PDE3B: variants seen among roughly 807,000 people sequenced by gnomAD.
PDE3B encodes the protein phosphodiesterase 3B.
In PDE3B, 66 loss-of-function variants were observed where a neutral mutation model predicts 116.8. The ratio of observed to expected loss-of-function variants is 0.56; its 90% CI spans 0.46 to 0.69. The LOEUF (loss-of-function observed/expected upper bound fraction) is 0.69, where lower values mean the gene tolerates loss of function less well. Ranked by LOEUF, PDE3B falls within the 30% of genes least tolerant of loss-of-function variation. The probability of loss-of-function intolerance (pLI) is 0.00; values close to 1 mark genes in which losing one functional copy is unlikely to be tolerated. For missense variants in PDE3B, 1,384 were observed against 1,368.1 expected, an observed-to-expected ratio of 1.01 and a Z score of -0.18; for synonymous variants, 595 against 533.6, an observed-to-expected ratio of 1.12 and a Z score of -1.59.
At chr11:14,895,671 T>TGAAA in the PDE3B span, among the ~76,000 whole-genome samples, 1 of 152,220 alleles carries the variant, frequency 6.6e-6, no homozygotes, top group East Asian at 1.9e-4. Context: ...AGGAACCTTA[T>TGAAA]GAAAGTCTCC....
intron 1 of PDE3B, among the ~76,000 whole-genome samples, chr11:14,770,838 G>C (rs1020419831): frequency 2.6e-5 from 4 of 151,584 alleles, no homozygotes; most frequent in African/African-American, 9.7e-5. Flanking sequence ...AGTTTTTTGA[G>C]TGATTAAACA....
chr11:14,813,896 A>G (rs1361594428), intron 5 of PDE3B, among the ~76,000 whole-genome samples: 1 of 152,250 alleles, frequency 6.6e-6, no homozygotes, highest in Admixed American at 6.5e-5. Flanking sequence ...TGAGTAATAT[A>G]TTAAAATGAT....
intron 1 of PDE3B, among the ~76,000 whole-genome samples, chr11:14,683,715 G>T (rs1257248325): frequency 1.3e-5 from 2 of 151,466 alleles, no homozygotes; most frequent in African/African-American, 4.8e-5. Flanking sequence ...CTTGCTTTAG[G>T]TTTATTTTGT....
intron 1 of PDE3B, among the ~76,000 whole-genome samples, chr11:14,698,287 A>G (rs1263847785): frequency 6.6e-6 from 1 of 151,910 alleles, no homozygotes; most frequent in East Asian, 1.9e-4. Flanking sequence ...CTTTTTCTGC[A>G]TCTATTGAGA....
chr11:14,850,922 A>G (rs964009210), intron 12 of PDE3B, among the ~76,000 whole-genome samples: 6 of 150,560 alleles, frequency 4.0e-5, no homozygotes, highest in Non-Finnish European at 7.4e-5. Context: ...TCCGCCCCCC[A>G]GGTTCATGCC....
chr11:14,785,688 T>A (rs1858166631), intron 2 of PDE3B, among the ~76,000 whole-genome samples: 1 of 152,054 alleles, frequency 6.6e-6, no homozygotes, highest in Non-Finnish European at 1.5e-5. Context: ...TTTACATCGG[T>A]GACATATTTC....
chr11:14,862,103 T>A (rs1847961583), intron 14 of PDE3B, among the ~76,000 whole-genome samples: 1 of 152,202 alleles, frequency 6.6e-6, no homozygotes, highest in African/African-American at 2.4e-5. Flanking sequence ...CTCACCCACC[T>A]CCTGAGATCT....
intron 1 of PDE3B, among the ~76,000 whole-genome samples, chr11:14,653,875 A>G (rs73428271): frequency 0.15 from 23,240 of 151,954 alleles, 2,775 homozygotes; most frequent in African/African-American, 0.34. Flanking sequence ...GCGAATGCCT[A>G]TAGTCGCAGC....
At chr11:14,790,733 A>G (rs1017494011) in intron 4 of PDE3B, among the ~76,000 whole-genome samples, 1 of 152,150 alleles carries the variant, frequency 6.6e-6, no homozygotes, top group African/African-American at 2.4e-5. Context: ...GAATAAATTA[A>G]TTGGTGGTAT....
intron 1 of PDE3B, among the ~76,000 whole-genome samples, chr11:14,766,745 T>G (rs866302644): frequency 6.6e-6 from 1 of 151,714 alleles, no homozygotes; most frequent in South Asian, 2.1e-4. Context: ...TTTTTCTTGA[T>G]GTGCAGACAA....
intron 1 of PDE3B, among the ~76,000 whole-genome samples, chr11:14,723,205 G>A (rs1234418023): frequency 6.6e-6 from 1 of 152,108 alleles, no homozygotes; most frequent in Non-Finnish European, 1.5e-5. Flanking sequence ...AAATCACTTT[G>A]ACTCCAATTT....
chr11:14,898,522 C>G, the PDE3B span, among the ~76,000 whole-genome samples: 1 of 152,062 alleles, frequency 6.6e-6, no homozygotes, highest in Non-Finnish European at 1.5e-5. Context: ...CATGGCACAA[C>G]ATTTACAGCA....
intron 12 of PDE3B, among the ~76,000 whole-genome samples, chr11:14,855,368 G>T (rs782121937): frequency 6.6e-6 from 1 of 151,606 alleles, no homozygotes; most frequent in Non-Finnish European, 1.5e-5. Context: ...AAGAATTCCC[G>T]AGAAGATGAA....
intron 1 of PDE3B, among the ~76,000 whole-genome samples, chr11:14,741,742 A>G (rs1284102485): frequency 1.3e-5 from 2 of 151,932 alleles, no homozygotes; most frequent in African/African-American, 4.8e-5. Flanking sequence ...GTTCCTTTCC[A>G]TGTTTAGTGC....
intron 1 of PDE3B, among the ~76,000 whole-genome samples, chr11:14,676,351 C>T (rs533168933): frequency 6.6e-6 from 1 of 152,242 alleles, no homozygotes; most frequent in Non-Finnish European, 1.5e-5. Flanking sequence ...TATGTTATAG[C>T]CTATTGCTTC....
chr11:14,849,462 G>C (rs1170647155), intron 12 of PDE3B, among the ~76,000 whole-genome samples: 1 of 152,136 alleles, frequency 6.6e-6, no homozygotes, highest in South Asian at 2.1e-4. Context: ...AGAAGCAATG[G>C]CAACAAAAGC....
intron 1 of PDE3B, among the ~76,000 whole-genome samples, chr11:14,656,226 T>C (rs1486592877): frequency 6.6e-6 from 1 of 152,148 alleles, no homozygotes; most frequent in African/African-American, 2.4e-5. Flanking sequence ...TTGGGAGAAA[T>C]GCTAAAGAGC....
intron 4 of PDE3B, among the ~76,000 whole-genome samples, chr11:14,801,285 G>T (rs932543514): frequency 6.6e-6 from 1 of 152,266 alleles, no homozygotes; most frequent in African/African-American, 2.4e-5. Context: ...CATCTTTGTG[G>T]ATTTATCTAC....
intron 1 of PDE3B, among the ~76,000 whole-genome samples, chr11:14,722,415 A>G (rs1282155628): frequency 6.6e-6 from 1 of 152,160 alleles, no homozygotes; most frequent in Non-Finnish European, 1.5e-5. Context: ...AAATCCAATA[A>G]AAAAATAACA....
Sources: allele counts gnomAD v4.1 joint callset (sites outside exome capture counted in the v4.1 genomes callset), GRCh38; gene constraint gnomAD v4.1.1; transcripts MANE v1.5; gene names NCBI Gene and HGNC (gene_info 2026-07-23, HGNC 2026-07-21).